The following YBEY variants were observed in gnomAD, a reference collection of about 807,000 sequenced individuals.
The protein encoded by YBEY is ybeY metalloendoribonuclease, also known as endoribonuclease YbeY.
A neutral mutation model predicts 13.5 loss-of-function variants in YBEY; 15 were observed. The observed-to-expected ratio is 1.11, with a 90% confidence interval of 0.75 to 1.72. The LOEUF (loss-of-function observed/expected upper bound fraction) is 1.72. YBEY is among the 40% of genes most tolerant of loss of function. The pLI is 0.00. For synonymous variants in YBEY, 101 were observed against 83.1 expected (o/e 1.21, Z -1.17); for missense variants, 244 against 208.4 (o/e 1.17, Z -1.05).
At chr21:46,298,515 GC>G (rs1265592700), downstream of YBEY, among the ~76,000 whole-genome samples, 7 of 143,126 alleles carry the variant, frequency 4.9e-5, no homozygotes, top group South Asian at 2.3e-4. Flanking sequence ...TACAGGCTCC[GC>G]CCGCCGGGGT....
chr21:46,303,200 G>A, the YBEY span, among the ~76,000 whole-genome samples: 3 of 151,956 alleles, frequency 2.0e-5, no homozygotes, highest in Non-Finnish European at 4.4e-5. Flanking sequence ...TAAGCCAGTT[G>A]TAGTGGTGCA....
In YBEY at chr21:46,291,830, A is replaced by G. The variant is rs2081724919; in HGVS notation, c.339+368A>G. The G allele has an allele frequency of 1.3e-5, 14 of 1,070,240 alleles. No individual in the cohort carries two copies. In the South Asian group the frequency reaches 4.0e-4, roughly 31 times the overall value. 66.3% of individuals were successfully genotyped at this position (1,070,240 alleles called of 1,614,324 possible). A position where few individuals can be genotyped will look rare whatever the true frequency, so the allele number is the denominator to read the frequency against. ...CCACCTTCCAGATCTGTTTCTCCTC[A>G]GTGTAATCCACCTATGGGTTCTTCC... On this transcript the variant is annotated intron_variant, in intron 3 of 4. Transcript: ENST00000397701.
intron 1 of YBEY, 159 bp from the exon 2 acceptor site, chr21:46,286,711 G>T: frequency 1.9e-6 from 1 of 537,842 alleles, no homozygotes; most frequent in Non-Finnish European, 3.2e-6. Flanking sequence ...TCCTTCCATA[G>T]ACCCTCGTTG....
chr21:46,298,434 C>CTGTTTTTTTTTTTTTTTTTTTTT (rs2082018768), downstream of YBEY, among the ~76,000 whole-genome samples: 1 of 97,160 alleles, frequency 1.0e-5, no homozygotes, highest in Non-Finnish European at 2.1e-5. Context: ...TTAATCCAAG[C>CTGTTTTTTTTTTTTTTTTTTTTT]TTTTTTTTTT....
At position 46,286,982 on chromosome 21, in the gene YBEY, C is replaced by A. The variant is rs746561744; in HGVS notation, c.69C>A (p.Ile23=). 2 of 1,614,058 alleles carry A rather than the reference C, an allele frequency of 1.2e-6. No homozygotes were observed. The highest frequency in any genetic ancestry group is 2.2e-5 in the South Asian group (2 of 91,074). The part of the protein sequence containing the change: ...PIRRAPLRSK[I]EIVRRILGVQ... ...GGAGAGCGCCACTTCGCAGTAAGAT[C>A]GAGATTGTAAGGAGGATTTTAGGAG... Residue 23 remains isoleucine (I), a synonymous_variant, in exon 2 of 5, where the codon ATC becomes ATA. Coordinates refer to ENST00000397701, the MANE Select transcript of YBEY (RefSeq NM_001314025.2).
chr21:46,291,826 C>T (rs2081724587), intron 3 of YBEY: 1 of 1,073,940 alleles, frequency 9.3e-7, no homozygotes. Flanking sequence ...ATCTGTTTCT[C>T]CTCAGTGTAA....
At chr21:46,288,005 T>A (rs1396484134) in intron 2 of YBEY, among the ~76,000 whole-genome samples, 3 of 142,206 alleles carry the variant, frequency 2.1e-5, no homozygotes, top group Non-Finnish European at 4.7e-5. Flanking sequence ...AGAGCGAAAC[T>A]CTGTCTCAGG....
At chr21:46,289,441 G>GTTTTTTTTTTTTT (rs773002446) in intron 2 of YBEY, among the ~76,000 whole-genome samples, 1 of 136,520 alleles carries the variant, frequency 7.3e-6, no homozygotes. Flanking sequence ...GAAGGCAAGG[G>GTTTTTTTTTTTTT]TTTTGTTTTT....
At chr21:46,299,094 G>A (rs1420213532), downstream of YBEY, among the ~76,000 whole-genome samples, 1 of 145,710 alleles carries the variant, frequency 6.9e-6, no homozygotes, top group African/African-American at 2.6e-5. Context: ...AGCCTCCCAG[G>A]TAGCTTGTAC....
chr21:46,302,592 AG>A, downstream of YBEY: 2 of 1,599,810 alleles, frequency 1.3e-6, no homozygotes, highest in Non-Finnish European at 1.7e-6. Flanking sequence ...GGGAAGAAGC[AG>A]GGGGACCCTG....
At chr21:46,289,674 G>A (rs2081615911) in intron 2 of YBEY, among the ~76,000 whole-genome samples, 1 of 151,546 alleles carries the variant, frequency 6.6e-6, no homozygotes, top group Non-Finnish European at 1.5e-5. Flanking sequence ...AGCTGGTCTA[G>A]AACTCCTGAC....
At chr21:46,287,400 A>G (rs2081496730) in intron 2 of YBEY, among the ~76,000 whole-genome samples, 1 of 140,060 alleles carries the variant, frequency 7.1e-6, no homozygotes, top group African/African-American at 2.6e-5. Context: ...CGGGGGTTTT[A>G]CCATGTTGGC....
intron 4 of YBEY, among the ~76,000 whole-genome samples, chr21:46,297,064 C>A (rs1465024959): frequency 6.6e-6 from 1 of 152,042 alleles, no homozygotes; most frequent in Non-Finnish European, 1.5e-5. Flanking sequence ...TTTGGGAGGC[C>A]GAGGAGGGTG....
the YBEY span, among the ~76,000 whole-genome samples, chr21:46,309,134 C>G: frequency 6.6e-6 from 1 of 152,066 alleles, no homozygotes; most frequent in African/African-American, 2.4e-5. Flanking sequence ...GTCTGGCCAA[C>G]ATGGCGAAAT....
chr21:46,303,622 CAGG>C, the YBEY span, among the ~76,000 whole-genome samples: 12 of 142,248 alleles, frequency 8.4e-5, no homozygotes, highest in African/African-American at 1.6e-4. Flanking sequence ...GAGACCGAGA[CAGG>C]AGAAGTCCTT....
chr21:46,303,719 ATATATATATATATATATATATATATATT>A, the YBEY span, among the ~76,000 whole-genome samples: 2 of 19,176 alleles, frequency 1.0e-4, no homozygotes, highest in Non-Finnish European at 2.0e-4. Flanking sequence ...ATATATATAT[ATATATATATATATATATATATATATATT>A]TTTTTTTTTT....
intron 4 of YBEY, 86 bp downstream of exon 4, chr21:46,296,316 T>C (rs1888539): frequency 0.68 from 1,033,168 of 1,514,208 alleles, 356,394 homozygotes; most frequent in Non-Finnish European, 0.71. Flanking sequence ...ACCCTCCATC[T>C]TGACCGCCCC....
the YBEY span, chr21:46,311,654 TCCAACCAA>T: frequency 6.0e-6 from 4 of 669,088 alleles, no homozygotes; most frequent in East Asian, 6.4e-5. Context: ...CACCCACCCA[TCCAACCAA>T]CCAACCAACC....
At chr21:46,291,995 C>A (rs2081732082) in intron 3 of YBEY, 1 of 362,346 alleles carries the variant, frequency 2.8e-6, no homozygotes, top group Non-Finnish European at 3.8e-6. Context: ...GCTACAGTTT[C>A]TACAGGCAAT....
Sources: gnomAD v4.1 joint callset for allele counts (sites outside exome capture counted in the v4.1 genomes callset) on GRCh38, gnomAD v4.1.1 for gene constraint, MANE v1.5 for transcripts, NCBI Gene and HGNC (gene_info 2026-07-23, HGNC 2026-07-21) for gene names.